PRSS3: variants seen among roughly 807,000 people sequenced by gnomAD.
The protein encoded by PRSS3 is serine protease 3, also known as trypsin-3.
A neutral mutation model predicts 20.8 loss-of-function variants in PRSS3; 14 were observed. That is an observed-to-expected ratio of 0.67 (90% CI 0.44 to 1.05). The LOEUF (loss-of-function observed/expected upper bound fraction) is 1.05, where lower values mean the gene tolerates loss of function less well. PRSS3 is among the 50% of genes least tolerant of loss of function. PRSS3 has a pLI of 0.00. For synonymous variants in PRSS3, 91 were observed against 117.6 expected (o/e 0.77, Z 1.46); for missense variants, 237 against 306.4 (o/e 0.77, Z 1.69).
intron 1 of PRSS3, among the ~76,000 whole-genome samples, chr9:33,770,387 C>T (rs1267238755): frequency 6.6e-6 from 1 of 152,134 alleles, no homozygotes; most frequent in Non-Finnish European, 1.5e-5. Context: ...ACGATACTTA[C>T]ATGAGATTTT....
intron 1 of PRSS3, among the ~76,000 whole-genome samples, chr9:33,766,279 AAAAAAAAAAAGG>A (rs1823413937): frequency 7.1e-6 from 1 of 141,158 alleles, no homozygotes; most frequent in Non-Finnish European, 1.6e-5. Context: ...AAAAAAAAAA[AAAAAAAAAAAGG>A]AGCCGGGGGC....
intron 1 of PRSS3, among the ~76,000 whole-genome samples, chr9:33,759,267 T>G (rs1823075473): frequency 6.6e-6 from 1 of 151,906 alleles, no homozygotes; most frequent in African/African-American, 2.4e-5. Context: ...CAATGGAACA[T>G]TTTCCATCCT....
At chr9:33,797,055 G>A (rs975835999) in intron 2 of PRSS3, among the ~76,000 whole-genome samples, 2 of 152,188 alleles carry the variant, frequency 1.3e-5, no homozygotes, top group Non-Finnish European at 2.9e-5. Flanking sequence ...CCTTTTGCTG[G>A]TTAGCTACAC....
chr9:33,773,702 G>A (rs144342134), intron 1 of PRSS3, among the ~76,000 whole-genome samples: 3 of 152,330 alleles, frequency 2.0e-5, no homozygotes, highest in East Asian at 1.9e-4. Context: ...GAGTGTCAGC[G>A]GTGCGATCAC....
At chr9:33,762,825 G>C (rs114974059) in intron 1 of PRSS3, among the ~76,000 whole-genome samples, 2 of 152,184 alleles carry the variant, frequency 1.3e-5, no homozygotes, top group East Asian at 3.8e-4. Flanking sequence ...TATTCTTCCA[G>C]GAGAGAAGCC....
chr9:33,750,773 C>G lies in PRSS3; in HGVS notation c.-53+46C>G. On this transcript the variant is annotated intron_variant, in intron 1 of 5. Transcript: ENST00000342836. The surrounding 1 kb of genome is among the most constrained non-coding windows in gnomAD (Gnocchi z 4.8). ...GGGGGCTTGAAACTGGAGGAGGGCT[C>G]GAAGGGAGAGGGAGCCCCGCCAAGG... The G allele has an allele frequency of 7.1e-7, 1 of 1,409,890 alleles. No individual in the cohort carries two copies. Among genetic ancestry groups the G allele is most frequent in the East Asian group, 2.8e-5 (1 of 35,164 alleles). The allele number at this position is 1,409,890 out of a possible 1,614,324, so 87.3% of individuals were successfully genotyped here. A position where few individuals can be genotyped will look rare whatever the true frequency, so the allele number is the denominator to read the frequency against.
intron 1 of PRSS3, among the ~76,000 whole-genome samples, chr9:33,769,835 G>T (rs562575009): frequency 6.6e-6 from 1 of 152,362 alleles, no homozygotes; most frequent in South Asian, 2.1e-4. Context: ...TGTGGACCCA[G>T]ACAACAGAAC....
At chr9:33,776,917 A>C (rs879492570) in intron 1 of PRSS3, among the ~76,000 whole-genome samples, 1 of 152,158 alleles carries the variant, frequency 6.6e-6, no homozygotes, top group Non-Finnish European at 1.5e-5. Flanking sequence ...ATATTTTTTA[A>C]AAAGCCTAAT....
At chr9:33,773,100 C>G (rs1823777649) in intron 1 of PRSS3, among the ~76,000 whole-genome samples, 1 of 152,210 alleles carries the variant, frequency 6.6e-6, no homozygotes, top group African/African-American at 2.4e-5. Flanking sequence ...CCTCTCTCTT[C>G]TTCTGTGCCT....
chr9:33,756,729 C>A lies in PRSS3; in HGVS notation c.-53+6002C>A, dbSNP rs143956728. On this transcript the variant is annotated intron_variant, in intron 1 of 5. Transcript: ENST00000342836. ...TCTTCTAAATGGTTTTTACAGTATC[C>A]TGTTCTCATTTCATGAATGCAGTAT... is the stretch of plus-strand genomic sequence containing the variant. Among the ~76,000 whole-genome samples, 951 of 152,236 alleles carry A rather than the reference C, an allele frequency of 6.2e-3. 13 individuals are homozygous for A. Among genetic ancestry groups the A allele is most frequent in the African/African-American group, 0.022 (921 of 41,546 alleles).
intron 1 of PRSS3, among the ~76,000 whole-genome samples, chr9:33,785,409 C>T (rs1824359371): frequency 6.6e-6 from 1 of 151,544 alleles, no homozygotes; most frequent in East Asian, 1.9e-4. Context: ...GATCTCCTGA[C>T]CTCGTGATCC....
chr9:33,780,064 A>G (rs1354201519), intron 1 of PRSS3, among the ~76,000 whole-genome samples: 1 of 151,984 alleles, frequency 6.6e-6, no homozygotes, highest in Non-Finnish European at 1.5e-5. Flanking sequence ...AAATACAGAG[A>G]ACCCTGGCTA....
At chr9:33,775,672 CAG>C (rs1326851208) in intron 1 of PRSS3, among the ~76,000 whole-genome samples, 1 of 150,878 alleles carries the variant, frequency 6.6e-6, no homozygotes, top group Non-Finnish European at 1.5e-5. Context: ...GATCAACTAA[CAG>C]GGGCTGGAAA....
rs762535497 is a variant in PRSS3, at chr9:33,798,643, GCT to G, written c.591+22_591+23del. Reference sequence around the variant, plus strand: ...GCCAGGTGATTTGACCCTTTCCCATGCTGAGGCTCCCACCGATACCCAGGCCC... The same window carrying G: ...GCCAGGTGATTTGACCCTTTCCCATGGAGGCTCCCACCGATACCCAGGCCC... On this transcript the variant is annotated intron_variant, in intron 4 of 4. Transcript: ENST00000379405. The G allele has an allele frequency of 7.4e-6, 12 of 1,613,490 alleles. No individual in the cohort carries two copies. In the African/African-American group the frequency reaches 1.5e-4, roughly 20 times the overall value.
chr9:33,776,560 C>T (rs879528222), intron 1 of PRSS3, among the ~76,000 whole-genome samples: 2 of 152,156 alleles, frequency 1.3e-5, no homozygotes, highest in Non-Finnish European at 2.9e-5. Flanking sequence ...GAATTGAAAT[C>T]ACAGAAATAA....
chr9:33,798,492 AC>A lies in PRSS3; in HGVS notation c.464del (p.Pro155GlnfsTer4), dbSNP rs1298799750. The A allele has an allele frequency of 6.2e-7, 1 of 1,613,756 alleles. No individual in the cohort carries two copies. Among genetic ancestry groups the A allele is most frequent in the Non-Finnish European group, 8.5e-7 (1 of 1,179,886 alleles). ...WGNTLSFGAD[Y>X]PDELKCLDAP... ...CTCTTCCTGATCCTCACAGCTGACT[AC>A]CCAGACGAGCTGAAGTGCCTGGATG... is the stretch of plus-strand genomic sequence containing the variant. On this transcript the variant is annotated frameshift_variant, in exon 4 of 5. Coordinates refer to ENST00000379405, the MANE Select transcript of PRSS3 (RefSeq NM_002771.4). LOFTEE classifies it high-confidence loss of function.
chr9:33,793,628 C>T, upstream of PRSS3: 2 of 915,114 alleles, frequency 2.2e-6, no homozygotes, highest in African/African-American at 1.8e-5. Flanking sequence ...CCTCTGGGGA[C>T]CTCTGCCTTG....
intron 3 of PRSS3, 118 bp from the exon 4 acceptor site, chr9:33,798,368 G>A (rs1415789165): frequency 1.0e-5 from 15 of 1,443,272 alleles, no homozygotes; most frequent in African/African-American, 5.7e-5. Context: ...CAGAACTTAC[G>A]TTTTGGAGTC....
At chr9:33,772,323 C>T (rs569825160) in intron 1 of PRSS3, among the ~76,000 whole-genome samples, 80 of 152,218 alleles carry the variant, frequency 5.3e-4, no homozygotes, top group African/African-American at 2.6e-4. Context: ...CTCACAGGCT[C>T]GACATTGCTG....
Sources: allele counts gnomAD v4.1 joint callset (sites outside exome capture counted in the v4.1 genomes callset), GRCh38; gene constraint gnomAD v4.1.1; non-coding constraint Gnocchi (gnomAD v3.1); transcripts MANE v1.5; gene names NCBI Gene and HGNC (gene_info 2026-07-23, HGNC 2026-07-21).